Variants in PPP1R16B observed in about 807,000 individuals in gnomAD.
PPP1R16B encodes the protein protein phosphatase 1 regulatory subunit 16B, also known as protein phosphatase 1 regulatory inhibitor subunit 16B.
PPP1R16B carries 14 observed loss-of-function variants against 61.7 expected under a neutral mutation model. That is an observed-to-expected ratio of 0.23 (90% CI 0.15 to 0.35). PPP1R16B has a LOEUF of 0.35. Among genes scored for constraint, PPP1R16B ranks in the 10% least tolerant of loss-of-function variants. PPP1R16B has a pLI of 1.00. For synonymous variants in PPP1R16B, 266 were observed against 305.3 expected (o/e 0.87, Z 1.34); for missense variants, 547 against 752.5 (o/e 0.73, Z 3.19).
At chr20:38,812,248 C>G (rs755543375) in intron 1 of PPP1R16B, among the ~76,000 whole-genome samples, 1 of 152,180 alleles carries the variant, frequency 6.6e-6, no homozygotes. Flanking sequence ...GATACAGGAC[C>G]CGTCTTTATC....
At chr20:38,896,084 C>CT (rs1272727401) in intron 4 of PPP1R16B, among the ~76,000 whole-genome samples, 2 of 126,714 alleles carry the variant, frequency 1.6e-5, no homozygotes, top group Non-Finnish European at 3.2e-5. Context: ...CCCTTCCTCC[C>CT]TTTCTGCCTT....
intron 2 of PPP1R16B, among the ~76,000 whole-genome samples, chr20:38,856,557 G>A (rs188455942): frequency 2.0e-5 from 3 of 152,250 alleles, no homozygotes; most frequent in Admixed American, 2.0e-4. Flanking sequence ...GGATGGGTGA[G>A]GTTGCCTGCC....
chr20:38,874,326 T>C (rs1040126199), intron 2 of PPP1R16B, among the ~76,000 whole-genome samples: 1 of 151,922 alleles, frequency 6.6e-6, no homozygotes, highest in Non-Finnish European at 1.5e-5. Context: ...GGAGGTGGGG[T>C]AGGGGAGAGC....
intron 2 of PPP1R16B, among the ~76,000 whole-genome samples, chr20:38,869,378 C>T (rs1217435764): frequency 3.9e-5 from 6 of 152,108 alleles, no homozygotes; most frequent in East Asian, 1.9e-4. Context: ...AAACTGGTCT[C>T]GAACTCCTGA....
chr20:38,918,387 G>A lies in PPP1R16B; in HGVS notation c.1425G>A (p.Gln475=). The A allele has an allele frequency of 1.2e-6, 2 of 1,614,156 alleles. No homozygotes were observed. The highest frequency in any genetic ancestry group is 1.7e-6 in the Non-Finnish European group (2 of 1,180,048). ...ATPPWSSYKE[Q]SPQTLLELKR... is the part of the protein sequence containing the mutation. The stretch of plus-strand genomic sequence containing the variant: ...CGCCCTGGAGCAGCTACAAGGAACA[G>A]AGCCCTCAGACGCTTCTGGAGCTGA... Residue 475 remains glutamine (Q), a synonymous_variant, in exon 11 of 11, where the codon CAG becomes CAA. Coordinates refer to ENST00000299824, the MANE Select transcript of PPP1R16B (RefSeq NM_015568.4). The surrounding 1 kb of genome is among the most constrained non-coding windows in gnomAD (Gnocchi z 5.3).
At chr20:38,915,919 C>T (rs983526874) in intron 10 of PPP1R16B, among the ~76,000 whole-genome samples, 1 of 151,828 alleles carries the variant, frequency 6.6e-6, no homozygotes, top group African/African-American at 2.4e-5. Context: ...GGCCCCAACC[C>T]AGACCTATTG....
In PPP1R16B at chr20:38,918,499, A is replaced by C; in HGVS notation, c.1537A>C (p.Ser513Arg). ...CAGCATGGCCAGGACGGGCGAGAGT[A>C]GCAGTGAAGGCAAGGCCCCCTTGAT... Reference protein sequence around the residue: ...GSSMARTGESSSEGKAPLIGG... With the variant: ...GSSMARTGESRSEGKAPLIGG... Residue 513 changes from serine to arginine, a missense_variant, in exon 11 of 11, where the codon AGC (serine) becomes CGC (arginine). By Grantham distance (110) the Ser-to-Arg change is moderately radical (BLOSUM62 -1). Coordinates refer to ENST00000299824, the MANE Select transcript of PPP1R16B (RefSeq NM_015568.4). This position sits in a 1 kb window ranked among gnomAD's most constrained non-coding sequence, Gnocchi z 5.3. 1 of 1,607,598 alleles carries C rather than the reference A, an allele frequency of 6.2e-7. No homozygotes were observed. The highest frequency in any genetic ancestry group is 8.5e-7 in the Non-Finnish European group (1 of 1,175,404).
At chr20:38,906,508 T>C (rs2085444864) in intron 7 of PPP1R16B, among the ~76,000 whole-genome samples, 1 of 152,134 alleles carries the variant, frequency 6.6e-6, no homozygotes, top group Non-Finnish European at 1.5e-5. Context: ...TTGGTCAGGC[T>C]GGTCTCAAAC....
chr20:38,915,781 C>T (rs1638618496), intron 10 of PPP1R16B, among the ~76,000 whole-genome samples: 2 of 152,040 alleles, frequency 1.3e-5, no homozygotes, highest in Admixed American at 6.5e-5. Flanking sequence ...TGAGCCACCA[C>T]GCTCGGCCTG....
At chr20:38,880,272 G>A (rs970795282) in intron 2 of PPP1R16B, among the ~76,000 whole-genome samples, 50 of 152,342 alleles carry the variant, frequency 3.3e-4, no homozygotes, top group African/African-American at 1.1e-3. Flanking sequence ...AGGGTGCCTG[G>A]CCCAGCCTGG....
Position 38,918,656 on chromosome 20 carries a change from G to T in PPP1R16B, c.1694G>T (p.Arg565Leu). The T allele has an allele frequency of 6.6e-7, 1 of 1,510,572 alleles. No homozygotes were observed. The highest frequency in any genetic ancestry group is 1.8e-4 in the Middle Eastern group (1 of 5,530). 93.6% of individuals were successfully genotyped at this position (1,510,572 alleles called of 1,614,324 possible). The change falls in exon 11 of 11, where the codon CGT (arginine) becomes CTT (leucine). Residue 565 changes from arginine to leucine, a missense_variant. Arg to Leu is a moderately radical substitution (Grantham distance 102). Transcript: ENST00000299824. This position sits in a 1 kb window ranked among gnomAD's most constrained non-coding sequence, Gnocchi z 5.3. Reference protein sequence around the residue: ...EMEEKVHGCCRIS With the variant: ...EMEEKVHGCCLIS ...GAGGAGAAGGTGCATGGCTGTTGCC[G>T]TATCTCCTAGTCTCCGTGTGATGGA...
At chr20:38,874,797 G>C (rs2085154688) in intron 2 of PPP1R16B, among the ~76,000 whole-genome samples, 2 of 152,162 alleles carry the variant, frequency 1.3e-5, no homozygotes, top group Admixed American at 1.3e-4. Flanking sequence ...GTCAAGTGTG[G>C]GGGTATTGGA....
chr20:38,852,001 C>T (rs2084972062), intron 2 of PPP1R16B, among the ~76,000 whole-genome samples: 1 of 152,188 alleles, frequency 6.6e-6, no homozygotes, highest in Non-Finnish European at 1.5e-5. Context: ...CCACTGCACT[C>T]CAGCCTGGGT....
intron 4 of PPP1R16B, among the ~76,000 whole-genome samples, chr20:38,896,941 G>A (rs1388725610): frequency 6.6e-6 from 1 of 152,196 alleles, no homozygotes; most frequent in African/African-American, 2.4e-5. Context: ...GAGGTCGGGA[G>A]TTCGAGACCA....
intron 2 of PPP1R16B, among the ~76,000 whole-genome samples, chr20:38,882,760 A>G (rs208799): frequency 0.72 from 110,195 of 152,052 alleles, 40,305 homozygotes; most frequent in South Asian, 0.85. Context: ...AATGGAGATT[A>G]GGGCAATCAG....
rs2035162148 is a variant in PPP1R16B at position 38,919,269 on chromosome 20, C to T, written c.*603C>T. 6.5e-6 allele frequency: 1 copy of T among 152,756 alleles called. No homozygotes were observed. The highest frequency in any genetic ancestry group is 2.1e-4 in the South Asian group (1 of 4,828). The allele number at this position is 152,756 out of a possible 1,614,324, so 9.5% of individuals were successfully genotyped here. On this transcript the variant is annotated 3_prime_UTR_variant, in exon 11 of 11. Coordinates refer to ENST00000299824, the MANE Select transcript of PPP1R16B (RefSeq NM_015568.4). The stretch of plus-strand genomic sequence containing the variant: ...ACCTGACAGGGGTGAGAAGTCCTCG[C>T]TGTGTTCAGAGGGAGCCAGGAATCT...
chr20:38,855,867 T>C (rs1398738651), intron 2 of PPP1R16B, among the ~76,000 whole-genome samples: 10 of 143,926 alleles, frequency 6.9e-5, no homozygotes, highest in Non-Finnish European at 4.5e-5. Flanking sequence ...ATCGCATCTG[T>C]AAATACCAGC....
At chr20:38,900,773 C>T (rs779355769) in intron 5 of PPP1R16B, 89 bp downstream of exon 5, 54 of 1,003,688 alleles carry the variant, frequency 5.4e-5, no homozygotes, top group Middle Eastern at 2.2e-4. Flanking sequence ...AGATTAGCTA[C>T]GCATCGGCCT....
At chr20:38,848,367 C>T (rs558508881) in intron 2 of PPP1R16B, among the ~76,000 whole-genome samples, 248 of 152,260 alleles carry the variant, frequency 1.6e-3, no homozygotes, top group African/African-American at 5.5e-3. Flanking sequence ...CCCTTCCTTC[C>T]CTACAAGTTT....
Sources: allele counts gnomAD v4.1 joint callset (sites outside exome capture counted in the v4.1 genomes callset), GRCh38; gene constraint gnomAD v4.1.1; non-coding constraint Gnocchi (gnomAD v3.1); transcripts MANE v1.5; gene names NCBI Gene and HGNC (gene_info 2026-07-23, HGNC 2026-07-21).